Variants in KIF25 observed in about 807,000 individuals in gnomAD.
The protein encoded by KIF25 is kinesin-like protein KIF25.
In KIF25, 19 loss-of-function variants were observed where a neutral mutation model predicts 32.9. The ratio of observed to expected loss-of-function variants is 0.58; its 90% CI spans 0.40 to 0.85. The LOEUF is 0.85. KIF25 is among the 40% of genes least tolerant of loss of function. The pLI, the probability that KIF25 is intolerant of heterozygous loss-of-function variation, is 0.00. For missense variants in KIF25, 485 were observed against 507.0 expected (o/e 0.96, Z 0.42); for synonymous variants, 225 against 213.7 (o/e 1.05, Z -0.46).
Position 168,038,738 on chromosome 6 carries a change from T to G in KIF25, c.494+9T>G, listed in dbSNP as rs187183375. On this transcript the variant is annotated intron_variant, in intron 9 of 12. Transcript: ENST00000643607. ...GCGCTGCTGGCCTCTGAGTGAGTAC[T>G]GCACCTGCCCCGTGCTGCTGGCCTC... The G allele has an allele frequency of 6.2e-7, 1 of 1,611,726 alleles. No homozygotes were observed. Among genetic ancestry groups the G allele is most frequent in the Non-Finnish European group, 8.5e-7 (1 of 1,179,126 alleles).
At chr6:168,042,763 C>T (rs1188118133) in intron 12 of KIF25, 47 bp downstream of exon 12, 1 of 1,573,206 alleles carries the variant, frequency 6.4e-7, no homozygotes, top group Non-Finnish European at 8.6e-7. Context: ...CCACGTACCC[C>T]AGGACATGTG....
intron 8 of KIF25, 52 bp downstream of exon 8, chr6:168,034,083 C>T (rs369540405): frequency 1.1e-4 from 178 of 1,594,508 alleles, no homozygotes; most frequent in Non-Finnish European, 1.4e-4. Context: ...GGAAGCCAGG[C>T]GGTCAGCACC....
Position 168,042,063 on chromosome 6 carries a change from A to T in KIF25, c.741A>T (p.Pro247=). Residue 247 remains proline (P), a synonymous_variant, in exon 11 of 13, where the codon CCA becomes CCT. Transcript: ENST00000643607. The stretch of plus-strand genomic sequence containing the variant: ...GAGCTTCTCAAGGGGCCTTGGCTCC[A>T]CAGCTGGTTCCTGGGAACCCCGCAG... ...SRRASQGALA[P]QLVPGNPAGH... 6.4e-7 allele frequency: 1 copy of T among 1,551,374 alleles called. No individual in the cohort carries two copies. The highest frequency in any genetic ancestry group is 8.7e-7 in the Non-Finnish European group (1 of 1,147,234).
intron 8 of KIF25, among the ~76,000 whole-genome samples, chr6:168,035,325 C>T (rs535374061): frequency 1.3e-5 from 2 of 150,074 alleles, no homozygotes; most frequent in South Asian, 4.3e-4. Flanking sequence ...CGATGCACAG[C>T]CAGTGAGAGC....
At chr6:168,036,619 G>A (rs919271600) in intron 8 of KIF25, among the ~76,000 whole-genome samples, 5 of 152,140 alleles carry the variant, frequency 3.3e-5, no homozygotes, top group African/African-American at 7.2e-5. Flanking sequence ...TTAACTCCTC[G>A]GTATTATGTA....
chr6:168,042,419 GAA>G, intron 11 of KIF25, 140 bp from the exon 12 acceptor site: 1 of 1,134,100 alleles, frequency 8.8e-7, no homozygotes, highest in Non-Finnish European at 1.3e-6. Context: ...GCAGAGCCAT[GAA>G]AGACACTCAC....
intron 8 of KIF25, among the ~76,000 whole-genome samples, chr6:168,038,149 AC>A (rs2114909718): frequency 6.6e-6 from 1 of 152,268 alleles, no homozygotes; most frequent in East Asian, 1.9e-4. Context: ...AAATAAACAA[AC>A]CCCATCACTG....
At chr6:168,028,102 C>T (rs1185125723) in intron 5 of KIF25, among the ~76,000 whole-genome samples, 2 of 152,064 alleles carry the variant, frequency 1.3e-5, no homozygotes, top group South Asian at 2.1e-4. Context: ...GGGAATGTGT[C>T]CTAGTCCATT....
intron 2 of KIF25, among the ~76,000 whole-genome samples, chr6:168,001,955 C>A (rs1798511462): frequency 8.0e-6 from 1 of 124,532 alleles, no homozygotes; most frequent in Non-Finnish European, 1.7e-5. Context: ...GAGGCGTGGC[C>A]GCGGGCAGGT....
rs565363781 is a variant in KIF25 at position 167,999,337 on chromosome 6, C to G, written c.-370+17C>G. 1 of 152,226 alleles carries G rather than the reference C, an allele frequency of 6.6e-6. No homozygotes were observed. Among genetic ancestry groups the G allele is most frequent in the Non-Finnish European group, 1.5e-5 (1 of 68,056 alleles). The allele number at this position is 152,226 out of a possible 1,614,324, so 9.4% of individuals were successfully genotyped here. A position where few individuals can be genotyped will look rare whatever the true frequency, so the allele number is the denominator to read the frequency against. ...GCAGAGCAGGTAACCTGTGTTTGCA[C>G]GGTGTGTGTATGTCTGTGTGCTCAG... On this transcript the variant is annotated intron_variant, in intron 2 of 12. Coordinates refer to ENST00000643607, the MANE Select transcript of KIF25 (RefSeq NM_030615.4).
At chr6:168,039,940 C>T in intron 9 of KIF25, 125 bp from the exon 10 acceptor site, 11 of 1,214,608 alleles carry the variant, frequency 9.1e-6, no homozygotes, top group Non-Finnish European at 1.2e-5. Context: ...CTGAGACTGG[C>T]TTCAGTACCC....
At chr6:168,026,975 G>A (rs903079698) in intron 5 of KIF25, among the ~76,000 whole-genome samples, 1 of 152,172 alleles carries the variant, frequency 6.6e-6, no homozygotes, top group Non-Finnish European at 1.5e-5. Context: ...TAGACACAAG[G>A]GATGTAGGTG....
intron 2 of KIF25, among the ~76,000 whole-genome samples, chr6:168,000,294 A>C (rs1371499017): frequency 7.2e-5 from 3 of 41,852 alleles, no homozygotes; most frequent in African/African-American, 1.0e-4. Flanking sequence ...GCCCCTCCCC[A>C]CTCCCATCCT....
chr6:168,045,056 T>C lies in KIF25; in HGVS notation c.*60T>C. On this transcript the variant is annotated 3_prime_UTR_variant, in exon 13 of 13. Transcript: ENST00000643607. ...TCTTGTCCTTGCTTTATAATGCATATGTGCTTAGAAATAAACAGGTTTCAC... is the reference window on the plus strand; with the variant it reads ...TCTTGTCCTTGCTTTATAATGCATACGTGCTTAGAAATAAACAGGTTTCAC... 6.7e-7 allele frequency: 1 copy of C among 1,482,076 alleles called. No homozygotes were observed. The highest frequency in any genetic ancestry group is 9.1e-7 in the Non-Finnish European group (1 of 1,098,238). 91.8% of individuals were successfully genotyped at this position (1,482,076 alleles called of 1,614,324 possible). A position where few individuals can be genotyped will look rare whatever the true frequency, so the allele number is the denominator to read the frequency against.
intron 5 of KIF25, among the ~76,000 whole-genome samples, chr6:168,025,211 C>T (rs945711025): frequency 1.3e-5 from 2 of 152,208 alleles, no homozygotes; most frequent in Non-Finnish European, 2.9e-5. Flanking sequence ...CGCGGGGACG[C>T]TCACTGATGA....
At position 168,030,526 on chromosome 6, in the gene KIF25, T is replaced by C. The variant is rs28660512; in HGVS notation, c.93-247T>C. 1.9e-5 allele frequency: 3 copies of C among 157,512 alleles called. No homozygotes were observed. The East Asian group carries it at 5.7e-4, about 30-fold the overall frequency. 9.8% of individuals were successfully genotyped at this position (157,512 alleles called of 1,614,324 possible). On this transcript the variant is annotated intron_variant, in intron 6 of 12. Transcript: ENST00000643607. ...CCCCTTCCCTTCCTTCCTTCCTTCC[T>C]TTCTTGCAAGCATCTGTCACTTCAT...
At chr6:168,010,993 G>A (rs545673833) in intron 4 of KIF25, among the ~76,000 whole-genome samples, 20 of 150,984 alleles carry the variant, frequency 1.3e-4, no homozygotes, top group East Asian at 7.8e-4. Context: ...CAGACTATAC[G>A]TCTCTTTACA....
At chr6:168,033,785 A>T in intron 7 of KIF25, 97 bp from the exon 8 acceptor site, 4 of 1,253,770 alleles carry the variant, frequency 3.2e-6, no homozygotes, top group Non-Finnish European at 4.5e-6. Context: ...ATAGGAAATG[A>T]AATGTATTGA....
At chr6:168,035,606 G>A in intron 8 of KIF25, 2 of 434,132 alleles carry the variant, frequency 4.6e-6, no homozygotes, top group Non-Finnish European at 9.4e-6. Context: ...AGGCGGCTGC[G>A]CCTCTCCAGA....
Sources: allele counts gnomAD v4.1 joint callset (sites outside exome capture counted in the v4.1 genomes callset), GRCh38; gene constraint gnomAD v4.1.1; transcripts MANE v1.5; gene names NCBI Gene and HGNC (gene_info 2026-07-23, HGNC 2026-07-21).